The following CNTROB variants were observed in gnomAD, a reference collection of about 807,000 sequenced individuals.
CNTROB encodes the protein centrobin, centriole duplication and spindle assembly protein, also known as centrobin.
CNTROB carries 82 observed loss-of-function variants against 115.7 expected under a neutral mutation model. The observed-to-expected ratio is 0.71, with a 90% CI of 0.59 to 0.85. CNTROB has a LOEUF of 0.85. Among genes scored for constraint, CNTROB ranks in the 40% least tolerant of loss-of-function variants. CNTROB has a pLI of 0.00. For missense variants in CNTROB, 1,014 were observed against 1,144.4 expected (o/e 0.89, Z 1.64); for synonymous variants, 439 against 456.4 (o/e 0.96, Z 0.49).
intron 13 of CNTROB, 33 bp from the exon 14 acceptor site, chr17:7,947,538 C>T (rs752808953): frequency 6.4e-7 from 1 of 1,569,388 alleles, no homozygotes; most frequent in South Asian, 1.2e-5. Context: ...CCTGAACACA[C>T]TTGCACCCAC....
At position 7,932,915 on chromosome 17, in the gene CNTROB, TTC is replaced by T. The variant is rs1364116968; in HGVS notation, c.-164_-163del. The T allele has an allele frequency of 2.7e-6, 2 of 736,516 alleles. No individual in the cohort carries two copies. Among genetic ancestry groups the T allele is most frequent in the African/African-American group, 3.5e-5 (2 of 56,472 alleles). 45.6% of individuals were successfully genotyped at this position (736,516 alleles called of 1,614,324 possible). On this transcript the variant is annotated 5_prime_UTR_variant, in exon 1 of 19. The change creates a premature stop within an existing upstream ORF in the 5' untranslated region. Transcript: ENST00000563694. Reference sequence around the variant, plus strand: ...TGGCCCCTGGAACTGGTGGAAACCTTTCCTCTAACCAGAAAGCCTCGATATCC... The same window carrying T: ...TGGCCCCTGGAACTGGTGGAAACCTTCTCTAACCAGAAAGCCTCGATATCC...
chr17:7,933,503 G>T (rs1273771915), intron 1 of CNTROB, among the ~76,000 whole-genome samples, 154 bp downstream of exon 1: 1 of 152,226 alleles, frequency 6.6e-6, no homozygotes, highest in Non-Finnish European at 1.5e-5. Flanking sequence ...TGCTTATAAG[G>T]GAGGGAGTGA....
chr17:7,947,863 G>T, intron 14 of CNTROB, 53 bp from the exon 15 acceptor site: 1 of 1,609,964 alleles, frequency 6.2e-7, no homozygotes, highest in Non-Finnish European at 8.5e-7. Flanking sequence ...CAGATCCCTG[G>T]GCGTTTTTCT....
In CNTROB at chr17:7,949,408, C is replaced by T; in HGVS notation, c.2610C>T (p.Arg870=). The T allele has an allele frequency of 6.2e-7, 1 of 1,614,154 alleles. No individual in the cohort carries two copies. The highest frequency in any genetic ancestry group is 8.5e-7 in the Non-Finnish European group (1 of 1,180,030). ...RKEIPSQAVP[R]RLATAPKTEK... is the part of the protein sequence containing the mutation. ...AGATTCCCTCCCAGGCTGTCCCTCG[C>T]CGCCTTGCTACAGCCCCCAAGACTG... Residue 870 remains arginine (R), a synonymous_variant, in exon 19 of 19, where the codon CGC becomes CGT. Coordinates refer to ENST00000563694, the MANE Select transcript of CNTROB (RefSeq NM_053051.5).
rs1163576069 is a variant in CNTROB, at chr17:7,944,603, C to T, written c.1699C>T (p.Leu567=). 1 of 1,613,206 alleles carries T rather than the reference C, an allele frequency of 6.2e-7. No individual in the cohort carries two copies. The highest frequency in any genetic ancestry group is 8.5e-7 in the Non-Finnish European group (1 of 1,179,356). ...LQAHWDEANQ[L]LSTTLPPPNP... ...GGCCCACTGGGATGAGGCCAACCAG[C>T]TGCTCAGCACCACTCTCCCGCCGCC... is the stretch of plus-strand genomic sequence containing the variant. Residue 567 remains leucine, a synonymous_variant, in exon 12 of 19, where the codon CTG becomes TTG. Coordinates refer to ENST00000563694, the MANE Select transcript of CNTROB (RefSeq NM_053051.5). The surrounding 1 kb of genome is among the most constrained non-coding windows in gnomAD (Gnocchi z 4.0).
Position 7,948,114 on chromosome 17 carries a change from T to A in CNTROB, c.2210-43T>A. The A allele has an allele frequency of 6.2e-7, 1 of 1,612,326 alleles. No homozygotes were observed. Among genetic ancestry groups the A allele is most frequent in the Non-Finnish European group, 8.5e-7 (1 of 1,178,478 alleles). ...CTGGGTGGTGGGACTTCCTTGGTTC[T>A]ATGCCCCATTTCCTGATTCTTGGCA... On this transcript the variant is annotated intron_variant, in intron 15 of 18. Transcript: ENST00000563694. The surrounding 1 kb of genome is among the most constrained non-coding windows in gnomAD (Gnocchi z 4.4).
Position 7,947,081 on chromosome 17 carries a change from A to T in CNTROB, c.1994-490A>T, listed in dbSNP as rs913204381. On this transcript the variant is annotated intron_variant, in intron 13 of 18. Transcript: ENST00000563694. ...GAGGCTGAGGCAGGAGAATGGTGTG[A>T]ACCCGGGAGGCGGAGCTTGCAGTGA... Among the ~76,000 whole-genome samples, 74 of 151,808 alleles carry T rather than the reference A, an allele frequency of 4.9e-4. 1 individual carries two copies. The highest frequency in any genetic ancestry group is 1.7e-3 in the African/African-American group (71 of 41,284).
At chr17:7,945,608 G>A (rs1974436078) in intron 12 of CNTROB, 120 bp from the exon 13 acceptor site, 2 of 1,061,414 alleles carry the variant, frequency 1.9e-6, no homozygotes, top group Admixed American at 2.4e-5. Flanking sequence ...AAAGTGTTGG[G>A]ATTACAGGTG....
At position 7,945,864 on chromosome 17, in the gene CNTROB, C is replaced by T; in HGVS notation, c.1871C>T (p.Pro624Leu). 3.1e-6 allele frequency: 5 copies of T among 1,614,220 alleles called. No individual in the cohort carries two copies. Among genetic ancestry groups the T allele is most frequent in the Non-Finnish European group, 4.2e-6 (5 of 1,180,040 alleles). ...QQSREARDEL[P>L]GAPPVLCSSS... ...AGCCGGGAAGCAAGGGACGAGCTAC[C>T]TGGAGCGCCTCCTGTTCTTTGCAGT... Residue 624 changes from proline to leucine, a missense_variant, in exon 13 of 19, where the codon CCT becomes CTT. Physicochemically the swap from Pro to Leu is moderately conservative, Grantham distance 98 (BLOSUM62 -3). Transcript: ENST00000563694.
chr17:7,939,621 C>G lies in CNTROB; in HGVS notation c.1036C>G (p.Arg346Gly). The change falls in exon 8 of 19, where the codon CGA becomes GGA. Residue 346 changes from arginine to glycine, a missense_variant. Coordinates refer to ENST00000563694, the MANE Select transcript of CNTROB (RefSeq NM_053051.5). The surrounding 1 kb of genome is among the most constrained non-coding windows in gnomAD (Gnocchi z 4.4). ...TCGGGCTGGGCAACTGAGTGAGCAT[C>G]GAGAGTTGGAGACTCTTCGGGCTGC... ...AARAGQLSEH[R>G]ELETLRAALE... is the part of the protein sequence containing the mutation. The G allele has an allele frequency of 6.2e-7, 1 of 1,613,894 alleles. No individual in the cohort carries two copies. Among genetic ancestry groups the G allele is most frequent in the Non-Finnish European group, 8.5e-7 (1 of 1,179,980 alleles).
rs375258063 is a variant in CNTROB at position 7,948,925 on chromosome 17, G to A, written c.2514-160G>A. On this transcript the variant is annotated intron_variant, in intron 17 of 18. Transcript: ENST00000563694. The surrounding 1 kb of genome is among the most constrained non-coding windows in gnomAD (Gnocchi z 4.4). ...GACTTTTGACTAGCTAGTGTAACTC[G>A]TTATTTACTTCCACTAATGTCTCCT... 13 of 1,507,292 alleles carry A rather than the reference G, an allele frequency of 8.6e-6. No homozygotes were observed. The East Asian group carries it at 1.7e-4, about 19-fold the overall frequency. 93.4% of individuals were successfully genotyped at this position (1,507,292 alleles called of 1,614,324 possible). A position where few individuals can be genotyped will look rare whatever the true frequency, so the allele number is the denominator to read the frequency against.
At chr17:7,938,372 G>A (rs1436855082) in intron 7 of CNTROB, among the ~76,000 whole-genome samples, 1 of 151,552 alleles carries the variant, frequency 6.6e-6, no homozygotes, top group Non-Finnish European at 1.5e-5. Context: ...AGCTGGGATT[G>A]GAACTTGTTG....
intron 9 of CNTROB, among the ~76,000 whole-genome samples, chr17:7,940,484 A>G (rs1973730811): frequency 6.6e-6 from 1 of 152,240 alleles, no homozygotes; most frequent in Non-Finnish European, 1.5e-5. Context: ...ATAGATTTAA[A>G]TCTATTAAAG....
intron 13 of CNTROB, 96 bp from the exon 14 acceptor site, chr17:7,947,475 G>T: frequency 2.6e-6 from 3 of 1,159,954 alleles, no homozygotes; most frequent in South Asian, 2.1e-5. Context: ...CATTTAATAG[G>T]CCCCTTTCTT....
At chr17:7,936,287 C>G (rs778597949) in intron 4 of CNTROB, 79 bp from the exon 5 acceptor site, 12 of 774,052 alleles carry the variant, frequency 1.6e-5, no homozygotes, top group South Asian at 4.1e-5. Context: ...CCCACTCCCC[C>G]ACTAGAGGAG....
In CNTROB at chr17:7,949,324, G is replaced by A. The variant is rs1974934867; in HGVS notation, c.2587-61G>A. Reference sequence around the variant, plus strand: ...CCCTCTCCACGTGCATTTCCTCAGTGGGGTGGGGAATTGAGAGGATCTGAC... The same window carrying A: ...CCCTCTCCACGTGCATTTCCTCAGTAGGGTGGGGAATTGAGAGGATCTGAC... On this transcript the variant is annotated intron_variant, in intron 18 of 18. Coordinates refer to ENST00000563694, the MANE Select transcript of CNTROB (RefSeq NM_053051.5). The A allele has an allele frequency of 2.5e-6, 4 of 1,605,646 alleles. No individual in the cohort carries two copies. The Admixed American group carries it at 5.0e-5, about 20-fold the overall frequency.
rs1195884436 is a variant in CNTROB at position 7,949,752 on chromosome 17, T to G, written c.*242T>G. The G allele has an allele frequency of 2.6e-6, 1 of 385,598 alleles. No individual in the cohort carries two copies. The highest frequency in any genetic ancestry group is 4.5e-6 in the Non-Finnish European group (1 of 220,070). 23.9% of individuals were successfully genotyped at this position (385,598 alleles called of 1,614,324 possible). ...ACGGTCTATGACAAGATTTGGAAAGTTGGGGCGGCTAAGATTCAGTGGACA... is the reference window on the plus strand; with the variant it reads ...ACGGTCTATGACAAGATTTGGAAAGGTGGGGCGGCTAAGATTCAGTGGACA... On this transcript the variant is annotated 3_prime_UTR_variant, in exon 19 of 19. Coordinates refer to ENST00000563694, the MANE Select transcript of CNTROB (RefSeq NM_053051.5).
chr17:7,934,358 G>A (rs763583962), intron 2 of CNTROB, 107 bp from the exon 3 acceptor site: 2 of 1,319,948 alleles, frequency 1.5e-6, no homozygotes, highest in African/African-American at 1.5e-5. Context: ...TTTGGGAGAG[G>A]GGGTGAAGGA....
At chr17:7,934,310 C>A in intron 2 of CNTROB, 88 bp downstream of exon 2, 1 of 1,422,884 alleles carries the variant, frequency 7.0e-7, no homozygotes, top group Non-Finnish European at 9.9e-7. Context: ...GCAGGAAAAC[C>A]TCTGAGCAAG....
Sources: allele counts gnomAD v4.1 joint callset (sites outside exome capture counted in the v4.1 genomes callset), GRCh38; gene constraint gnomAD v4.1.1; non-coding constraint Gnocchi (gnomAD v3.1); transcripts MANE v1.5; gene names NCBI Gene and HGNC (gene_info 2026-07-23, HGNC 2026-07-21).